The following RBPJL variants were observed in gnomAD, a reference collection of about 807,000 sequenced individuals.
RBPJL encodes the protein recombining binding protein suppressor of hairless-like protein.
RBPJL carries 50 observed loss-of-function variants against 57.6 expected under a neutral mutation model. The observed-to-expected ratio is 0.87, with a 90% CI of 0.69 to 1.10. RBPJL has a LOEUF of 1.10. Ranked by LOEUF, RBPJL falls within the 50% of genes least tolerant of loss-of-function variation. The pLI is 0.00. For synonymous variants in RBPJL, 303 were observed against 294.4 expected (o/e 1.03, Z -0.30); for missense variants, 684 against 693.7 (o/e 0.99, Z 0.16).
chr20:45,315,606 T>C (rs1480338198), intron 9 of RBPJL, among the ~76,000 whole-genome samples: 1 of 151,732 alleles, frequency 6.6e-6, no homozygotes, highest in Non-Finnish European at 1.5e-5. Context: ...TTGGGCGTGG[T>C]GGCTGGCACC....
chr20:45,314,271 T>A lies in RBPJL; in HGVS notation c.867+127T>A, dbSNP rs142807310. On this transcript the variant is annotated intron_variant, in intron 8 of 11. Coordinates refer to ENST00000343694, the MANE Select transcript of RBPJL (RefSeq NM_014276.4). ...ACACCTGTTCTCACCCAGTGTCGCG[T>A]AGGACCAGACAGAAGTCAAAGGGCA... is the stretch of plus-strand genomic sequence containing the variant. 8 of 1,246,890 alleles carry A rather than the reference T, an allele frequency of 6.4e-6. No homozygotes were observed. The African/African-American group carries it at 1.0e-4, about 16-fold the overall frequency. The allele number at this position is 1,246,890 out of a possible 1,614,324, so 77.2% of individuals were successfully genotyped here.
In RBPJL at chr20:45,314,108, C is replaced by A; in HGVS notation, c.831C>A (p.Leu277=). ...GYVRYGSLVQ[L]VCTVTGITLP... ...TTCGCTATGGCTCCCTGGTGCAGCTCGTCTGCACGGTCACCGGCATCACAC... is the reference window on the plus strand; with the variant it reads ...TTCGCTATGGCTCCCTGGTGCAGCTAGTCTGCACGGTCACCGGCATCACAC... Residue 277 remains leucine, a synonymous_variant, in exon 8 of 12, where the codon CTC becomes CTA. Transcript: ENST00000343694. 3 of 1,614,074 alleles carry A rather than the reference C, an allele frequency of 1.9e-6. No homozygotes were observed. Among genetic ancestry groups the A allele is most frequent in the Non-Finnish European group, 2.5e-6 (3 of 1,179,928 alleles).
At chr20:45,310,374 A>C (rs1987100753) in intron 3 of RBPJL, among the ~76,000 whole-genome samples, 1 of 152,142 alleles carries the variant, frequency 6.6e-6, no homozygotes, top group Non-Finnish European at 1.5e-5. Flanking sequence ...TGGGAGGCCG[A>C]GGCGGGCGGA....
intron 1 of RBPJL, 36 bp from the exon 2 acceptor site, chr20:45,308,107 C>T: frequency 6.7e-7 from 1 of 1,485,048 alleles, no homozygotes; most frequent in Non-Finnish European, 9.4e-7. Context: ...CTAAAATACA[C>T]TCGCCTGACC....
At chr20:45,307,037 A>C (rs950306548) in intron 1 of RBPJL, 93 bp downstream of exon 1, 5 of 820,618 alleles carry the variant, frequency 6.1e-6, no homozygotes, top group Non-Finnish European at 6.6e-6. Flanking sequence ...AAATAGGAAA[A>C]CTAAGCCCCA....
At chr20:45,308,760 C>A (rs1051835540) in intron 2 of RBPJL, among the ~76,000 whole-genome samples, 1 of 151,956 alleles carries the variant, frequency 6.6e-6, no homozygotes, top group Non-Finnish European at 1.5e-5. Context: ...CTGCTAACCC[C>A]CCAAATCTCT....
intron 5 of RBPJL, 45 bp from the exon 6 acceptor site, chr20:45,312,176 G>T (rs1987210479): frequency 2.2e-5 from 36 of 1,612,974 alleles, no homozygotes; most frequent in Non-Finnish European, 3.0e-5. Context: ...TCATCCGACG[G>T]GGGAGGGCTG....
chr20:45,312,505 T>A, intron 6 of RBPJL, 110 bp downstream of exon 6: 1 of 1,089,650 alleles, frequency 9.2e-7, no homozygotes, highest in Non-Finnish European at 1.3e-6. Context: ...GGGGTCAGAG[T>A]GGAAAAGGTG....
Position 45,308,180 on chromosome 20 carries a change from C to A in RBPJL, c.60C>A (p.Ser20Arg). ...CTCCCAATCCTTTGACTCACCTGAG[C>A]CTGCAGGACAGATCAGAGATGCAGC... is the stretch of plus-strand genomic sequence containing the variant. ...SVPPNPLTHLSLQDRSEMQLQ... is the reference protein window; with the variant it reads ...SVPPNPLTHLRLQDRSEMQLQ... Residue 20 changes from serine (S) to arginine (R), a missense_variant, in exon 2 of 12, where the codon AGC (serine) becomes AGA (arginine). By Grantham distance (110) the Ser-to-Arg change is moderately radical. Transcript: ENST00000343694. 1 of 1,613,978 alleles carries A rather than the reference C, an allele frequency of 6.2e-7. No individual in the cohort carries two copies. The highest frequency in any genetic ancestry group is 8.5e-7 in the Non-Finnish European group (1 of 1,179,844).
intron 9 of RBPJL, among the ~76,000 whole-genome samples, chr20:45,314,938 C>A (rs139124179): frequency 6.6e-6 from 1 of 152,172 alleles, no homozygotes; most frequent in Non-Finnish European, 1.5e-5. Context: ...CAAAAATTAG[C>A]TGGGCATGGC....
Position 45,316,912 on chromosome 20 carries a change from C to T in RBPJL, c.1507C>T (p.His503Tyr), listed in dbSNP as rs781519460. The part of the protein sequence containing the change: ...TDADALLESI[H>Y]QEFTRTNFHL... ...CGCCGACGCGCTCCTGGAGAGCATC[C>T]ATCAGGAGTTCACGCGCACCAACTT... The change falls in exon 12 of 12, where the codon CAT (histidine) becomes TAT (tyrosine). Residue 503 changes from histidine (H) to tyrosine (Y), a missense_variant. By Grantham distance (83) the His-to-Tyr change is moderately conservative. Transcript: ENST00000343694. The T allele has an allele frequency of 6.2e-6, 10 of 1,613,472 alleles. No individual in the cohort carries two copies. Among genetic ancestry groups the T allele is most frequent in the Non-Finnish European group, 8.5e-6 (10 of 1,179,616 alleles).
At chr20:45,310,333 G>A (rs187559395) in intron 3 of RBPJL, among the ~76,000 whole-genome samples, 20 of 152,244 alleles carry the variant, frequency 1.3e-4, no homozygotes, top group African/African-American at 2.4e-5. Flanking sequence ...AGGGCCGGGC[G>A]CGATGGCTCA....
chr20:45,316,890 C>G lies in RBPJL; in HGVS notation c.1485C>G (p.Ala495=). The G allele has an allele frequency of 6.2e-7, 1 of 1,613,740 alleles. No individual in the cohort carries two copies. The highest frequency in any genetic ancestry group is 1.3e-5 in the African/African-American group (1 of 75,048). ...GCGTCCCCGAGCCCGCCACCGACGC[C>G]GACGCGCTCCTGGAGAGCATCCATC... ...HPGVPEPATD[A]DALLESIHQE... The change falls in exon 12 of 12, where the codon GCC becomes GCG. Residue 495 remains alanine (A), a synonymous_variant. Coordinates refer to ENST00000343694, the MANE Select transcript of RBPJL (RefSeq NM_014276.4).
Position 45,306,877 on chromosome 20 carries a change from C to A in RBPJL, c.-46C>A. 1 of 1,249,402 alleles carries A rather than the reference C, an allele frequency of 8.0e-7. No homozygotes were observed. The highest frequency in any genetic ancestry group is 1.0e-6 in the Non-Finnish European group (1 of 986,978). 77.4% of individuals were successfully genotyped at this position (1,249,402 alleles called of 1,614,324 possible). The stretch of plus-strand genomic sequence containing the variant: ...GTTCCAGCGACAGCAGCACTGGACT[C>A]GTCCAGAGGGCGGCGGGTGAGCGGC... On this transcript the variant is annotated 5_prime_UTR_variant, in exon 1 of 12. Coordinates refer to ENST00000343694, the MANE Select transcript of RBPJL (RefSeq NM_014276.4).
chr20:45,312,049 T>C, intron 5 of RBPJL, 95 bp downstream of exon 5: 1 of 1,429,636 alleles, frequency 7.0e-7, no homozygotes, highest in Non-Finnish European at 9.8e-7. Flanking sequence ...AGCCAAGAGA[T>C]AGGTGGGGAG....
At chr20:45,311,116 C>CAA (rs34206228) in intron 3 of RBPJL, among the ~76,000 whole-genome samples, 2,282 of 91,396 alleles carry the variant, frequency 0.025, 70 homozygotes, top group African/African-American at 0.07. Context: ...GACCCTGCCT[C>CAA]AAAAAAAAAA....
chr20:45,313,448 C>T lies in RBPJL; in HGVS notation c.620-20C>T. On this transcript the variant is annotated intron_variant, in intron 6 of 11. Transcript: ENST00000343694. ...CCCTGACCCTCACCCTCACCCTAAC[C>T]CTGACCCTCACCCTCACAGTGTGCA... 1 of 1,600,528 alleles carries T rather than the reference C, an allele frequency of 6.2e-7. No homozygotes were observed. The highest frequency in any genetic ancestry group is 1.1e-5 in the South Asian group (1 of 88,416).
At chr20:45,309,506 C>T in intron 2 of RBPJL, 61 bp from the exon 3 acceptor site, 1 of 1,540,664 alleles carries the variant, frequency 6.5e-7, no homozygotes, top group African/African-American at 1.4e-5. Flanking sequence ...GTGCTTGGAC[C>T]CTGTGCCACC....
chr20:45,308,074 G>C, intron 1 of RBPJL, 69 bp from the exon 2 acceptor site: 1 of 1,108,842 alleles, frequency 9.0e-7, no homozygotes, highest in East Asian at 2.4e-5. Context: ...AAATCAGATA[G>C]GGCACCCTAG....
Sources: gnomAD v4.1 joint callset for allele counts (sites outside exome capture counted in the v4.1 genomes callset) on GRCh38, gnomAD v4.1.1 for gene constraint, MANE v1.5 for transcripts, NCBI Gene and HGNC (gene_info 2026-07-23, HGNC 2026-07-21) for gene names.